Variants in PDE3A observed in about 807,000 individuals in gnomAD.
PDE3A encodes cGMP-inhibited 3',5'-cyclic phosphodiesterase 3A.
PDE3A carries 43 observed loss-of-function variants against 98.3 expected under a neutral mutation model. The observed-to-expected ratio is 0.44, with a 90% CI of 0.34 to 0.56. The LOEUF (loss-of-function observed/expected upper bound fraction) is 0.56. PDE3A is among the 20% of genes least tolerant of loss of function. The pLI is 0.01. For synonymous variants in PDE3A, 663 were observed against 567.9 expected, an observed-to-expected ratio of 1.17 and a Z score of -2.38; for missense variants, 1,427 against 1,440.7, an observed-to-expected ratio of 0.99 and a Z score of 0.15.
chr12:20,507,154 G>C (rs565382599), intron 1 of PDE3A, among the ~76,000 whole-genome samples: 1 of 151,880 alleles, frequency 6.6e-6, no homozygotes, highest in Non-Finnish European at 1.5e-5. Flanking sequence ...CAGAATGTAA[G>C]CTACATTTCT....
At chr12:20,668,553 G>A (rs1945384554) in intron 15 of PDE3A, among the ~76,000 whole-genome samples, 2 of 152,316 alleles carry the variant, frequency 1.3e-5, no homozygotes, top group South Asian at 4.1e-4. Context: ...TGACCCCTGA[G>A]CAGCCTAACT....
At chr12:20,626,176 G>A (rs1944259176) in intron 5 of PDE3A, among the ~76,000 whole-genome samples, 1 of 147,524 alleles carries the variant, frequency 6.8e-6, no homozygotes, top group Non-Finnish European at 1.5e-5. Flanking sequence ...CTATTCCTTA[G>A]ACTGTCCTCT....
intron 1 of PDE3A, among the ~76,000 whole-genome samples, chr12:20,388,803 G>A (rs141002985): frequency 1.3e-4 from 19 of 151,998 alleles, no homozygotes; most frequent in East Asian, 5.8e-4. Flanking sequence ...CATTTCCTGC[G>A]TAAGACTAAG....
chr12:20,478,534 C>T (rs974054692), intron 1 of PDE3A, among the ~76,000 whole-genome samples: 1 of 152,118 alleles, frequency 6.6e-6, no homozygotes, highest in African/African-American at 2.4e-5. Context: ...CAGTACCTAC[C>T]TAGCACACTG....
In PDE3A at chr12:20,495,361, A is replaced by G. The variant is rs1379274805; in HGVS notation, c.961-61299A>G. On this transcript the variant is annotated intron_variant, in intron 1 of 15. Transcript: ENST00000359062. Reference sequence around the variant, plus strand: ...TTTTGGATTTCTTTAATTTGTGACCACAAGCTCAGTGTTTTGAAAGGTAGA... The same window carrying G: ...TTTTGGATTTCTTTAATTTGTGACCGCAAGCTCAGTGTTTTGAAAGGTAGA... Among the ~76,000 whole-genome samples the G allele has an allele frequency of 2.0e-5, 3 of 152,256 alleles. No homozygotes were observed. The East Asian group carries it at 5.8e-4, about 29-fold the overall frequency.
chr12:20,544,896 A>G (rs1199650839), intron 1 of PDE3A, among the ~76,000 whole-genome samples: 1 of 152,036 alleles, frequency 6.6e-6, no homozygotes, highest in East Asian at 1.9e-4. Context: ...TTCTATAATC[A>G]CATACTTCTA....
chr12:20,547,555 G>A lies in PDE3A; in HGVS notation c.961-9105G>A, dbSNP rs113613655. On this transcript the variant is annotated intron_variant, in intron 1 of 15. Coordinates refer to ENST00000359062, the MANE Select transcript of PDE3A (RefSeq NM_000921.5). ...TATGTTTTAGCCATCTTCAGCTGCTGTAAAAGAATAGTTTTCTTGAGAGTA... is the reference window on the plus strand; with the variant it reads ...TATGTTTTAGCCATCTTCAGCTGCTATAAAAGAATAGTTTTCTTGAGAGTA... Among the ~76,000 whole-genome samples, 14 of 152,246 alleles carry A rather than the reference G, an allele frequency of 9.2e-5. 1 individual carries two copies. Among genetic ancestry groups the A allele is most frequent in the African/African-American group, 3.4e-4 (14 of 41,564 alleles).
intron 2 of PDE3A, among the ~76,000 whole-genome samples, chr12:20,576,917 GA>G (rs1942945521): frequency 1.5e-5 from 2 of 136,662 alleles, no homozygotes; most frequent in African/African-American, 5.4e-5. Flanking sequence ...GGATAAGTTG[GA>G]AACATGAAGT....
intron 10 of PDE3A, among the ~76,000 whole-genome samples, chr12:20,641,173 G>T (rs985936969): frequency 6.6e-6 from 1 of 152,084 alleles, no homozygotes; most frequent in Non-Finnish European, 1.5e-5. Context: ...CATAGAAAAA[G>T]AGAATGAAAA....
intron 1 of PDE3A, 44 bp from the exon 2 acceptor site, chr12:20,556,616 A>C (rs1197932048): frequency 8.3e-7 from 1 of 1,210,782 alleles, no homozygotes; most frequent in Non-Finnish European, 1.2e-6. Context: ...AATGTTTGTC[A>C]GGTAAAATAA....
chr12:20,472,890 CT>C (rs899094008), intron 1 of PDE3A, among the ~76,000 whole-genome samples: 1 of 152,084 alleles, frequency 6.6e-6, no homozygotes, highest in Non-Finnish European at 1.5e-5. Flanking sequence ...TCAGATTCAC[CT>C]TTTTAAATAC....
chr12:20,448,857 T>A (rs1179632635), intron 1 of PDE3A, among the ~76,000 whole-genome samples: 1 of 151,944 alleles, frequency 6.6e-6, no homozygotes, highest in Non-Finnish European at 1.5e-5. Flanking sequence ...TAGTTGGAAT[T>A]ACCACATTAC....
At chr12:20,496,127 A>G (rs1025606592) in intron 1 of PDE3A, among the ~76,000 whole-genome samples, 5 of 152,202 alleles carry the variant, frequency 3.3e-5, no homozygotes, top group Admixed American at 1.3e-4. Flanking sequence ...ATTCTGTGCT[A>G]CTTACTCAAG....
At chr12:20,485,747 T>C (rs1272280372) in intron 1 of PDE3A, among the ~76,000 whole-genome samples, 6 of 152,236 alleles carry the variant, frequency 3.9e-5, no homozygotes, top group African/African-American at 1.2e-4. Flanking sequence ...TATTTACTTA[T>C]ATACTTAATT....
chr12:20,636,021 T>A (rs1314973759), intron 8 of PDE3A, among the ~76,000 whole-genome samples: 2 of 152,088 alleles, frequency 1.3e-5, no homozygotes, highest in African/African-American at 4.8e-5. Flanking sequence ...CAATATTTTA[T>A]AAAGAAAGAA....
intron 1 of PDE3A, among the ~76,000 whole-genome samples, chr12:20,397,406 G>T (rs895989200): frequency 2.6e-5 from 4 of 151,880 alleles, no homozygotes; most frequent in Non-Finnish European, 2.9e-5. Context: ...AACGTTTTGA[G>T]CCCTTTTGGT....
At position 20,650,608 on chromosome 12, in the gene PDE3A, AC is replaced by A; in HGVS notation, c.2925+10del. 6.3e-7 allele frequency: 1 copy of A among 1,593,770 alleles called. No individual in the cohort carries two copies. Among genetic ancestry groups the A allele is most frequent in the Non-Finnish European group, 8.6e-7 (1 of 1,162,650 alleles). On this transcript the variant is annotated intron_variant, in intron 14 of 15. Transcript: ENST00000359062. ...AATGAATTTTATGAACAGGTAACTG[AC>A]CACTGTTTAATACAGCTTAATCTGT...
chr12:20,387,400 C>T (rs947064351), intron 1 of PDE3A, among the ~76,000 whole-genome samples: 2 of 152,180 alleles, frequency 1.3e-5, no homozygotes, highest in African/African-American at 4.8e-5. Flanking sequence ...TTCTCCCTAT[C>T]TATGAGCATA....
chr12:20,616,424 A>C (rs1565450854), intron 4 of PDE3A, 40 bp downstream of exon 4: 1 of 1,573,938 alleles, frequency 6.4e-7, no homozygotes, highest in Admixed American at 1.8e-5. Flanking sequence ...CTCTTAGAGA[A>C]GTTACTTGCC....
Sources: gnomAD v4.1 joint callset for allele counts (sites outside exome capture counted in the v4.1 genomes callset) on GRCh38, gnomAD v4.1.1 for gene constraint, MANE v1.5 for transcripts, NCBI Gene and HGNC (gene_info 2026-07-23, HGNC 2026-07-21) for gene names.